The following UBE2Q1 variants were observed in gnomAD, a reference collection of about 807,000 sequenced individuals.
The protein encoded by UBE2Q1 is ubiquitin conjugating enzyme E2 Q1.
UBE2Q1 carries 6 observed loss-of-function variants against 60.1 expected under a neutral mutation model. The ratio of observed to expected loss-of-function variants is 0.10; its 90% CI spans 0.05 to 0.20. The LOEUF is 0.20. UBE2Q1 is among the 10% of genes least tolerant of loss of function. The pLI, the probability that UBE2Q1 is intolerant of heterozygous loss-of-function variation, is 1.00. For missense variants in UBE2Q1, 262 were observed against 525.8 expected (o/e 0.50, Z 4.91); for synonymous variants, 226 against 208.3 (o/e 1.09, Z -0.73).
At chr1:154,551,204 A>G (rs1387345705) in intron 11 of UBE2Q1, 193 bp downstream of exon 11, 3 of 843,862 alleles carry the variant, frequency 3.6e-6, no homozygotes, top group Admixed American at 5.3e-5. Context: ...GAAACCTCCC[A>G]AAAGTCCTAG....
At chr1:154,553,309 A>C in intron 4 of UBE2Q1, 137 bp from the exon 5 acceptor site, 2 of 1,125,658 alleles carry the variant, frequency 1.8e-6, no homozygotes, top group Non-Finnish European at 2.5e-6. Flanking sequence ...CAGTCTTATA[A>C]ACGCAACGTG....
chr1:154,558,557 C>T lies in UBE2Q1; in HGVS notation c.-4G>A. ...CCTGCGGCTGCGGCTGCTGCATCCT[C>T]CGCTCCGCTCCGCTCCGGGGCCGGC... On this transcript the variant is annotated 5_prime_UTR_variant, in exon 1 of 13. Coordinates refer to ENST00000292211, the MANE Select transcript of UBE2Q1 (RefSeq NM_017582.7). The T allele has an allele frequency of 9.7e-7, 1 of 1,034,846 alleles. No individual in the cohort carries two copies. Among genetic ancestry groups the T allele is most frequent in the East Asian group, 8.9e-5 (1 of 11,176 alleles). The allele number at this position is 1,034,846 out of a possible 1,614,324, so 64.1% of individuals were successfully genotyped here.
chr1:154,551,135 A>ACCCT, intron 11 of UBE2Q1, 131 bp from the exon 12 acceptor site: 1 of 1,080,020 alleles, frequency 9.3e-7, no homozygotes, highest in Non-Finnish European at 1.4e-6. Context: ...AACACTAAGT[A>ACCCT]CCCTCCACCT....
chr1:154,556,089 C>T, intron 1 of UBE2Q1, 125 bp from the exon 2 acceptor site: 1 of 699,742 alleles, frequency 1.4e-6, no homozygotes, highest in Admixed American at 2.6e-5. Flanking sequence ...CCTACACACA[C>T]ATAAAAGCCC....
rs1001396403 is a variant in UBE2Q1 at position 154,550,763 on chromosome 1, A to G, written c.1237+175T>C. On this transcript the variant is annotated intron_variant, in intron 12 of 12. Transcript: ENST00000292211. The stretch of plus-strand genomic sequence containing the variant: ...ACGATCATTTTGGTGTGTTTCTGGA[A>G]GAGGTTGTGAATGTTAGCCACCGCC... The G allele has an allele frequency of 5.1e-6, 5 of 985,278 alleles. No homozygotes were observed. The African/African-American group carries it at 8.7e-5, about 17-fold the overall frequency. The allele number at this position is 985,278 out of a possible 1,614,324, so 61.0% of individuals were successfully genotyped here. A position where few individuals can be genotyped will look rare whatever the true frequency, so the allele number is the denominator to read the frequency against.
At chr1:154,551,642 G>T (rs1472058348) in intron 10 of UBE2Q1, 129 bp downstream of exon 10, 1 of 1,471,460 alleles carries the variant, frequency 6.8e-7, no homozygotes, top group Admixed American at 1.7e-5. Context: ...AGGTCAGTGG[G>T]TGCAGACCCA....
rs531955154 is a variant in UBE2Q1 at position 154,553,266 on chromosome 1, G to C, written c.589-94C>G. ...CACCTTCCCAGTCCCATTTGGCGAAGAGCCAAAAGTTAAAGTGAAGCAGTC... is the reference window on the plus strand; with the variant it reads ...CACCTTCCCAGTCCCATTTGGCGAACAGCCAAAAGTTAAAGTGAAGCAGTC... On this transcript the variant is annotated intron_variant, in intron 4 of 12. Transcript: ENST00000292211. 44 of 1,493,204 alleles carry C rather than the reference G, an allele frequency of 2.9e-5. No individual in the cohort carries two copies. The South Asian group carries it at 4.8e-4, about 16-fold the overall frequency. The allele number at this position is 1,493,204 out of a possible 1,614,324, so 92.5% of individuals were successfully genotyped here.
Position 154,550,254 on chromosome 1 carries a change from G to A in UBE2Q1, c.*184C>T. 1 of 840,050 alleles carries A rather than the reference G, an allele frequency of 1.2e-6. No homozygotes were observed. The highest frequency in any genetic ancestry group is 1.9e-6 in the Non-Finnish European group (1 of 521,512). The allele number at this position is 840,050 out of a possible 1,614,324, so 52.0% of individuals were successfully genotyped here. ...AAGTCAGTCTTGAGTACTTGAAACAGTTCTGTGTTTGTTTTTTTTCCTTAG... is the reference window on the plus strand; with the variant it reads ...AAGTCAGTCTTGAGTACTTGAAACAATTCTGTGTTTGTTTTTTTTCCTTAG... On this transcript the variant is annotated 3_prime_UTR_variant, in exon 13 of 13. Transcript: ENST00000292211.
At chr1:154,551,130 T>A in intron 11 of UBE2Q1, 126 bp from the exon 12 acceptor site, 2 of 1,119,422 alleles carry the variant, frequency 1.8e-6, no homozygotes, top group Non-Finnish European at 2.7e-6. Context: ...AGTAAAACAC[T>A]AAGTACCCTC....
At position 154,550,980 on chromosome 1, in the gene UBE2Q1, G is replaced by C. The variant is rs1414307245; in HGVS notation, c.1195C>G (p.Gln399Glu). ...NKSQYSLTRA[Q>E]QSYKSLVQIH... The stretch of plus-strand genomic sequence containing the variant: ...TGCACCAAGGACTTGTAGGACTGCT[G>C]TGCTCTTGTCAGACTGTATTGAGAC... Residue 399 changes from glutamine to glutamate, a missense_variant, in exon 12 of 13, where the codon CAG (glutamine) becomes GAG (glutamate). By Grantham distance (29) the Gln-to-Glu change is conservative (BLOSUM62 2). Coordinates refer to ENST00000292211, the MANE Select transcript of UBE2Q1 (RefSeq NM_017582.7). The C allele has an allele frequency of 1.2e-6, 2 of 1,614,100 alleles. No individual in the cohort carries two copies. Among genetic ancestry groups the C allele is most frequent in the East Asian group, 2.2e-5 (1 of 44,880 alleles).
At chr1:154,556,033 C>CCCAAG in intron 1 of UBE2Q1, 69 bp from the exon 2 acceptor site, 1 of 1,391,736 alleles carries the variant, frequency 7.2e-7, no homozygotes. Flanking sequence ...TTTGCCTGTC[C>CCCAAG]TCTTCCCCCC....
chr1:154,550,301 T>C lies in UBE2Q1; in HGVS notation c.*137A>G. On this transcript the variant is annotated 3_prime_UTR_variant, in exon 13 of 13. Coordinates refer to ENST00000292211, the MANE Select transcript of UBE2Q1 (RefSeq NM_017582.7). ...TTAGCGTTTAGAATAGCCATCATTG[T>C]CCTGCAATAGGCAGAGCTATCACGT... 8.7e-7 allele frequency: 1 copy of C among 1,146,906 alleles called. No individual in the cohort carries two copies. The highest frequency in any genetic ancestry group is 1.3e-6 in the Non-Finnish European group (1 of 784,236). The allele number at this position is 1,146,906 out of a possible 1,614,324, so 71.0% of individuals were successfully genotyped here. A position where few individuals can be genotyped will look rare whatever the true frequency, so the allele number is the denominator to read the frequency against.
intron 3 of UBE2Q1, 123 bp from the exon 4 acceptor site, chr1:154,554,908 C>CTCTCCACCAGCCAGATCTG: frequency 1.0e-6 from 1 of 966,998 alleles, no homozygotes; most frequent in East Asian, 2.6e-5. Flanking sequence ...TGCTGCCAGT[C>CTCTCCACCAGCCAGATCTG]TCTCCACCAG....
rs531673703 is a variant in UBE2Q1 at position 154,548,654 on chromosome 1, C to T, written c.*1784G>A. 21 of 152,768 alleles carry T rather than the reference C, an allele frequency of 1.4e-4. No homozygotes were observed. Among genetic ancestry groups the T allele is most frequent in the African/African-American group, 5.1e-4 (21 of 41,584 alleles). 9.5% of individuals were successfully genotyped at this position (152,768 alleles called of 1,614,324 possible). ...ACAAAATACATTATACAGAAGACAG[C>T]TCACAGTACACATTACTAAAAACAC... On this transcript the variant is annotated 3_prime_UTR_variant, in exon 13 of 13. Coordinates refer to ENST00000292211, the MANE Select transcript of UBE2Q1 (RefSeq NM_017582.7).
At position 154,552,514 on chromosome 1, in the gene UBE2Q1, T is replaced by TGA. The variant is rs753664930; in HGVS notation, c.815-51_815-50insTC. On this transcript the variant is annotated intron_variant, in intron 6 of 12. Coordinates refer to ENST00000292211, the MANE Select transcript of UBE2Q1 (RefSeq NM_017582.7). ...TTAGTAGAATGGTCCAGGTGGTGAG[T>TGA]GGTCTCTAATGCAGACCCCTTTCCC... 19 of 1,603,038 alleles carry TGA rather than the reference T, an allele frequency of 1.2e-5. No homozygotes were observed. The South Asian group carries it at 1.9e-4, about 16-fold the overall frequency.
chr1:154,555,852 C>G lies in UBE2Q1; in HGVS notation c.432+8G>C. On this transcript the variant is annotated splice_region_variant and intron_variant, in intron 2 of 12. Coordinates refer to ENST00000292211, the MANE Select transcript of UBE2Q1 (RefSeq NM_017582.7). Reference sequence around the variant, plus strand: ...ACAAAATGTACCCCTACCCTGTGGCCCCCTCACCAGAGTATTCCCTTTCTT... The same window carrying G: ...ACAAAATGTACCCCTACCCTGTGGCGCCCTCACCAGAGTATTCCCTTTCTT... 1 of 1,613,294 alleles carries G rather than the reference C, an allele frequency of 6.2e-7. No individual in the cohort carries two copies. Among genetic ancestry groups the G allele is most frequent in the Admixed American group, 1.7e-5 (1 of 60,008 alleles).
At chr1:154,552,556 A>G in intron 6 of UBE2Q1, 92 bp from the exon 7 acceptor site, 1 of 1,521,030 alleles carries the variant, frequency 6.6e-7, no homozygotes, top group Non-Finnish European at 9.0e-7. Flanking sequence ...AGAGAAAAAG[A>G]TCAACAGCTC....
At position 154,550,322 on chromosome 1, in the gene UBE2Q1, C is replaced by CA; in HGVS notation, c.*115dup. 7.3e-7 allele frequency: 1 copy of CA among 1,361,428 alleles called. No homozygotes were observed. The highest frequency in any genetic ancestry group is 1.8e-5 in the Admixed American group (1 of 57,008). The allele number at this position is 1,361,428 out of a possible 1,614,324, so 84.3% of individuals were successfully genotyped here. On this transcript the variant is annotated 3_prime_UTR_variant, in exon 13 of 13. Coordinates refer to ENST00000292211, the MANE Select transcript of UBE2Q1 (RefSeq NM_017582.7). ...ATTGTCCTGCAATAGGCAGAGCTAT[C>CA]ACGTCCAGGAAAAATGAGGGAGGGA...
At chr1:154,553,235 G>C in intron 4 of UBE2Q1, 63 bp from the exon 5 acceptor site, 1 of 1,568,060 alleles carries the variant, frequency 6.4e-7, no homozygotes, top group Non-Finnish European at 8.6e-7. Flanking sequence ...GTTAGAGAAT[G>C]ACCATCACCT....
Sources: allele counts gnomAD v4.1 joint callset, GRCh38; gene constraint gnomAD v4.1.1; transcripts MANE v1.5; gene names NCBI Gene and HGNC (gene_info 2026-07-23, HGNC 2026-07-21).